The following ATG7 variants were observed in gnomAD, a reference collection of about 807,000 sequenced individuals.
The protein encoded by ATG7 is ubiquitin-like modifier-activating enzyme ATG7.
A neutral mutation model predicts 82.4 loss-of-function variants in ATG7; 70 were observed. The ratio of observed to expected loss-of-function variants is 0.85; its 90% CI spans 0.70 to 1.04. The LOEUF is 1.04. ATG7 is among the 50% of genes least tolerant of loss of function. The pLI, the probability that ATG7 is intolerant of heterozygous loss-of-function variation, is 0.00. For synonymous variants in ATG7, 287 were observed against 313.0 expected, an observed-to-expected ratio of 0.92 and a Z score of 0.88; for missense variants, 792 against 864.3, an observed-to-expected ratio of 0.92 and a Z score of 1.05.
At chr3:11,567,533 G>A in the ATG7 span, among the ~76,000 whole-genome samples, 151 of 152,250 alleles carry the variant, frequency 9.9e-4, no homozygotes, top group South Asian at 4.6e-3. Flanking sequence ...ACATCCTGGC[G>A]ATTTTCAAAA....
At chr3:11,333,130 A>T (rs1951888027) in intron 11 of ATG7, 37 bp downstream of exon 11, 1 of 1,508,870 alleles carries the variant, frequency 6.6e-7, no homozygotes, top group Non-Finnish European at 8.9e-7. Flanking sequence ...TATAATTATC[A>T]TTTATCAGAA....
chr3:11,507,633 TTTTG>T (rs1157199628), intron 20 of ATG7, among the ~76,000 whole-genome samples: 12 of 151,120 alleles, frequency 7.9e-5, no homozygotes, highest in Non-Finnish European at 5.9e-5. Context: ...TATGGGTGTT[TTTTG>T]TTTTTGTTTT....
At chr3:11,558,471 C>CCCG, downstream of ATG7, 4 of 1,369,954 alleles carry the variant, frequency 2.9e-6, no homozygotes, top group South Asian at 1.3e-5. Context: ...ACCCCACCCC[C>CCCG]ATGATTTTTT....
intron 11 of ATG7, among the ~76,000 whole-genome samples, chr3:11,339,619 C>T (rs139724418): frequency 1.2e-4 from 18 of 152,280 alleles, no homozygotes; most frequent in African/African-American, 4.3e-4. Flanking sequence ...CCAAGGCAAG[C>T]AAAGCTTTCA....
chr3:11,337,368 G>A (rs936544475), intron 11 of ATG7, among the ~76,000 whole-genome samples: 42 of 152,128 alleles, frequency 2.8e-4, no homozygotes, highest in Admixed American at 2.6e-3. Context: ...CAGGAGAATC[G>A]CTTGAACCTG....
At chr3:11,437,135 C>G (rs1004492364) in intron 20 of ATG7, among the ~76,000 whole-genome samples, 3 of 152,042 alleles carry the variant, frequency 2.0e-5, no homozygotes, top group African/African-American at 7.3e-5. Context: ...CTCCTTCCCT[C>G]TCTCCTTTCT....
At chr3:11,566,388 G>A in the ATG7 span, among the ~76,000 whole-genome samples, 9 of 152,178 alleles carry the variant, frequency 5.9e-5, no homozygotes, top group Admixed American at 2.6e-4. Context: ...CCAGGATATC[G>A]ACAATGAGAC....
chr3:11,530,287 A>G (rs1402170730), intron 20 of ATG7, among the ~76,000 whole-genome samples: 2 of 152,162 alleles, frequency 1.3e-5, no homozygotes, highest in East Asian at 1.9e-4. Flanking sequence ...AGAGGAAAGC[A>G]GTGTGTGTGC....
chr3:11,569,982 C>T, the ATG7 span, among the ~76,000 whole-genome samples: 3 of 152,172 alleles, frequency 2.0e-5, no homozygotes, highest in Non-Finnish European at 4.4e-5. Flanking sequence ...TTAAAGTGGT[C>T]AGCTGTATGC....
intron 20 of ATG7, among the ~76,000 whole-genome samples, chr3:11,446,185 C>T (rs2084531932): frequency 6.6e-6 from 1 of 150,424 alleles, no homozygotes; most frequent in African/African-American, 2.5e-5. Flanking sequence ...CTTGGCTGCC[C>T]ATCAGAATTA....
At chr3:11,484,433 C>G (rs1372007227) in intron 20 of ATG7, among the ~76,000 whole-genome samples, 1 of 152,154 alleles carries the variant, frequency 6.6e-6, no homozygotes, top group East Asian at 1.9e-4. Context: ...ACAAAAACGA[C>G]AAACCCAAAA....
chr3:11,325,416 A>G (rs1356596369), intron 9 of ATG7, among the ~76,000 whole-genome samples: 2 of 152,204 alleles, frequency 1.3e-5, no homozygotes, highest in African/African-American at 4.8e-5. Context: ...TCACGCCTGT[A>G]ATCACAGCAC....
At chr3:11,496,887 T>C (rs2090873626) in intron 20 of ATG7, among the ~76,000 whole-genome samples, 1 of 152,052 alleles carries the variant, frequency 6.6e-6, no homozygotes, top group Admixed American at 6.5e-5. Flanking sequence ...TGAGATGGAG[T>C]CTCGCTCTGT....
chr3:11,558,881 G>A, downstream of ATG7: 1 of 1,587,730 alleles, frequency 6.3e-7, no homozygotes, highest in Non-Finnish European at 8.6e-7. Context: ...CAGACAGACA[G>A]GCACGGTTGC....
At chr3:11,302,443 T>C (rs966955700) in intron 5 of ATG7, among the ~76,000 whole-genome samples, 3 of 152,218 alleles carry the variant, frequency 2.0e-5, no homozygotes, top group Non-Finnish European at 4.4e-5. Context: ...CTGCATGGGT[T>C]GGTAGAGAAA....
rs534033380 is a variant in ATG7, at chr3:11,395,186, T to C, written c.1956+15134T>C. On this transcript the variant is annotated intron_variant, in intron 19 of 20. Transcript: ENST00000693202. ...AAGAGCAAATTAGTGAAATGGAAAATAGGTTAGAAGAAACTTCAGAGTGAA... is the reference window on the plus strand; with the variant it reads ...AAGAGCAAATTAGTGAAATGGAAAACAGGTTAGAAGAAACTTCAGAGTGAA... Among the ~76,000 whole-genome samples the C allele has an allele frequency of 1.5e-4, 23 of 151,930 alleles. No individual in the cohort carries two copies. The South Asian group carries it at 3.5e-3, about 23-fold the overall frequency.
intron 20 of ATG7, among the ~76,000 whole-genome samples, chr3:11,488,803 G>C (rs967305989): frequency 6.6e-6 from 1 of 152,176 alleles, no homozygotes; most frequent in African/African-American, 2.4e-5. Flanking sequence ...GATTCGGTTT[G>C]CCAGTATTTT....
intron 14 of ATG7, among the ~76,000 whole-genome samples, chr3:11,349,355 A>G (rs914158166): frequency 2.6e-5 from 4 of 152,178 alleles, no homozygotes; most frequent in Non-Finnish European, 4.4e-5. Flanking sequence ...CCTGGGAGAC[A>G]TAGTGAGACC....
intron 20 of ATG7, among the ~76,000 whole-genome samples, chr3:11,536,319 T>C (rs1317409078): frequency 2.0e-5 from 3 of 152,214 alleles, no homozygotes; most frequent in Non-Finnish European, 4.4e-5. Context: ...TAACCTTTGG[T>C]CCACTTAACC....
Sources: allele counts gnomAD v4.1 joint callset (sites outside exome capture counted in the v4.1 genomes callset), GRCh38; gene constraint gnomAD v4.1.1; transcripts MANE v1.5; gene names NCBI Gene and HGNC (gene_info 2026-07-23, HGNC 2026-07-21).